SLC4A1: variants seen among roughly 807,000 people sequenced by gnomAD.
SLC4A1 encodes solute carrier family 4 member 1 (Diego blood group).
A neutral mutation model predicts 93.1 loss-of-function variants in SLC4A1; 29 were observed. That is an observed-to-expected ratio of 0.31 (90% confidence interval 0.23 to 0.42). The LOEUF (loss-of-function observed/expected upper bound fraction) is 0.42. Among genes scored for constraint, SLC4A1 ranks in the 20% least tolerant of loss-of-function variants. SLC4A1 has a pLI of 1.00. For missense variants in SLC4A1, 965 were observed against 1,190.1 expected (o/e 0.81, Z 2.78); for synonymous variants, 469 against 497.2 (o/e 0.94, Z 0.76).
Position 44,255,839 on chromosome 17 carries a change from T to C in SLC4A1, c.1634A>G (p.Gln545Arg). 6.2e-7 allele frequency: 1 copy of C among 1,614,170 alleles called. No individual in the cohort carries two copies. Among genetic ancestry groups the C allele is most frequent in the Non-Finnish European group, 8.5e-7 (1 of 1,180,026 alleles). ...ATAAGTCTTCTGTAGTGGGTGGTCC[T>C]GGAAGATCTGCAGCAGAAAACCAAG... Reference protein sequence around the residue: ...ETFSKLIKIFQDHPLQKTYNY... With the variant: ...ETFSKLIKIFRDHPLQKTYNY... Residue 545 changes from glutamine to arginine, a missense_variant, in exon 14 of 20, where the codon CAG becomes CGG. Transcript: ENST00000262418.
At chr17:44,254,887 A>G (rs775708545) in intron 15 of SLC4A1, among the ~76,000 whole-genome samples, 18 of 152,240 alleles carry the variant, frequency 1.2e-4, no homozygotes, top group Non-Finnish European at 2.5e-4. Context: ...GAGGTTATGT[A>G]GCTTGCCCCA....
In SLC4A1 at chr17:44,265,432, C is replaced by T. The variant is rs28444278; in HGVS notation, c.-68-2498G>A. Among the ~76,000 whole-genome samples the T allele has an allele frequency of 9.3e-3, 1,411 of 152,140 alleles. 23 individuals are homozygous for T. Among genetic ancestry groups the T allele is most frequent in the African/African-American group, 0.032 (1,339 of 41,504 alleles). ...TCTCCCAGTCTGGAGTGCAGTGGCG[C>T]GATCTTGGCTCACTGCAAGCTCCGC... On this transcript the variant is annotated intron_variant, in intron 1 of 19. Transcript: ENST00000262418.
intron 16 of SLC4A1, among the ~76,000 whole-genome samples, chr17:44,253,605 G>C (rs142515305): frequency 2.0e-3 from 306 of 152,150 alleles, no homozygotes; most frequent in African/African-American, 7.1e-3. Context: ...TCAGCTTCAG[G>C]GAGCTTTGCT....
chr17:44,251,723 T>TC (rs1411029337), intron 17 of SLC4A1, 135 bp from the exon 18 acceptor site: 75 of 629,232 alleles, frequency 1.2e-4, no homozygotes, highest in East Asian at 3.6e-4. Context: ...TTCTTTTCTT[T>TC]TTTTTTTTTT....
intron 17 of SLC4A1, 130 bp downstream of exon 17, chr17:44,252,988 G>T: frequency 1.0e-6 from 1 of 979,240 alleles, no homozygotes; most frequent in Non-Finnish European, 1.6e-6. Context: ...GGATGCTGGG[G>T]AGATGTGGGG....
At chr17:44,254,457 T>TC in intron 16 of SLC4A1, 39 bp downstream of exon 16, 336 of 1,282,662 alleles carry the variant, frequency 2.6e-4, no homozygotes, top group Non-Finnish European at 3.3e-4. Context: ...GGTCCCTGCC[T>TC]CCCACCCTCC....
At chr17:44,262,767 T>G (rs1298824807) in intron 2 of SLC4A1, 41 bp from the exon 3 acceptor site, 3 of 1,606,632 alleles carry the variant, frequency 1.9e-6, no homozygotes, top group Non-Finnish European at 2.6e-6. Context: ...TGAGGGGCTC[T>G]TCCACCCCCA....
At chr17:44,264,818 G>A (rs1036004783) in intron 1 of SLC4A1, among the ~76,000 whole-genome samples, 9 of 152,042 alleles carry the variant, frequency 5.9e-5, no homozygotes, top group Non-Finnish European at 1.3e-4. Context: ...GGTCCAAGGG[G>A]AGGACAGGGG....
chr17:44,257,338 A>G lies in SLC4A1; in HGVS notation c.1626+12T>C, dbSNP rs1209454873. On this transcript the variant is annotated intron_variant, in intron 13 of 19. Coordinates refer to ENST00000262418, the MANE Select transcript of SLC4A1 (RefSeq NM_000342.4). ...ACCTCCCGTGTGCATTAACATCCCCATAGGCCCCCACCTTGATCAGCTTGG... is the reference window on the plus strand; with the variant it reads ...ACCTCCCGTGTGCATTAACATCCCCGTAGGCCCCCACCTTGATCAGCTTGG... 1 of 1,613,286 alleles carries G rather than the reference A, an allele frequency of 6.2e-7. No individual in the cohort carries two copies. Among genetic ancestry groups the G allele is most frequent in the East Asian group, 2.2e-5 (1 of 44,870 alleles).
At chr17:44,257,935 G>C (rs1431432485) in intron 11 of SLC4A1, 51 bp downstream of exon 11, 1 of 1,610,846 alleles carries the variant, frequency 6.2e-7, no homozygotes, top group Admixed American at 1.7e-5. Flanking sequence ...GGCTGAGACA[G>C]AGGCCAGAGG....
chr17:44,264,186 G>A (rs902644842), intron 1 of SLC4A1, among the ~76,000 whole-genome samples: 8 of 152,156 alleles, frequency 5.3e-5, no homozygotes, highest in East Asian at 3.9e-4. Context: ...TTGGTTGGGC[G>A]TGGTGGCTCA....
Position 44,260,640 on chromosome 17 carries a change from G to C in SLC4A1, c.344C>G (p.Thr115Ser). Reference sequence around the variant, plus strand: ...GAAGGGCCCAGGAGGCTCACCCTTGGTGAAGACTCTACGCAGCTCTAGGAG... The same window carrying C: ...GAAGGGCCCAGGAGGCTCACCCTTGCTGAAGACTCTACGCAGCTCTAGGAG... ...WSLLELRRVF[T>S]KGTVLLDLQE... The change falls in exon 5 of 20, where the codon ACC becomes AGC. Residue 115 changes from threonine (T) to serine (S), a missense_variant. Transcript: ENST00000262418. 2 of 1,614,146 alleles carry C rather than the reference G, an allele frequency of 1.2e-6. No individual in the cohort carries two copies. The highest frequency in any genetic ancestry group is 1.7e-6 in the Non-Finnish European group (2 of 1,179,994).
intron 19 of SLC4A1, 142 bp downstream of exon 19, chr17:44,251,017 T>C: frequency 1.1e-6 from 1 of 900,456 alleles, no homozygotes; most frequent in Non-Finnish European, 1.8e-6. Context: ...CCAGATCATA[T>C]GCTAGGACAC....
chr17:44,263,711 T>TTCCCTCCCTTCCC (rs756189054), intron 1 of SLC4A1, among the ~76,000 whole-genome samples: 21 of 8,612 alleles, frequency 2.4e-3, no homozygotes, highest in East Asian at 0.026. Context: ...CCTTCCCTCC[T>TTCCCTCCCTTCCC]TCCTTCCTTC....
intron 8 of SLC4A1, 49 bp downstream of exon 8, chr17:44,259,448 C>T (rs762520200): frequency 2.4e-5 from 38 of 1,602,594 alleles, no homozygotes; most frequent in Non-Finnish European, 3.0e-5. Context: ...CAGGCTGAGC[C>T]AAGACACGAG....
intron 16 of SLC4A1, 33 bp downstream of exon 16, chr17:44,254,463 C>T: frequency 7.6e-7 from 1 of 1,318,264 alleles, no homozygotes; most frequent in Non-Finnish European, 1.1e-6. Context: ...TGCCTCCCAC[C>T]CTCCCAGGCC....
Position 44,262,910 on chromosome 17 carries a change from C to A in SLC4A1, c.-44G>T. On this transcript the variant is annotated 5_prime_UTR_variant, in exon 2 of 20. Coordinates refer to ENST00000262418, the MANE Select transcript of SLC4A1 (RefSeq NM_000342.4). ...CAGTTGTCTACGGTGATCTGAGCCC[C>A]CAGCATAACCCGCACCGCGGGTCCC... is the stretch of plus-strand genomic sequence containing the variant. 6.2e-7 allele frequency: 1 copy of A among 1,613,704 alleles called. No individual in the cohort carries two copies. Among genetic ancestry groups the A allele is most frequent in the Non-Finnish European group, 8.5e-7 (1 of 1,180,018 alleles).
At chr17:44,263,700 C>T (rs527642921) in intron 1 of SLC4A1, among the ~76,000 whole-genome samples, 23 of 87,490 alleles carry the variant, frequency 2.6e-4, no homozygotes, top group African/African-American at 1.1e-3. Flanking sequence ...CTCCTTCCCT[C>T]CCTTCCCTCC....
chr17:44,254,554 A>G lies in SLC4A1; in HGVS notation c.1999T>C (p.Ser667Pro). 1 of 1,606,774 alleles carries G rather than the reference A, an allele frequency of 6.2e-7. No individual in the cohort carries two copies. The highest frequency in any genetic ancestry group is 8.5e-7 in the Non-Finnish European group (1 of 1,175,878). Reference sequence around the variant, plus strand: ...AAGACCAGCAGAGCAGGCAGGGCGGAGGCAAACATCATCCAGATGGGAAAC... The same window carrying G: ...AAGACCAGCAGAGCAGGCAGGGCGGGGGCAAACATCATCCAGATGGGAAAC... ...SEFPIWMMFA[S>P]ALPALLVFIL... Residue 667 changes from serine (S) to proline (P), a missense_variant, in exon 16 of 20, where the codon TCC (serine) becomes CCC (proline). Coordinates refer to ENST00000262418, the MANE Select transcript of SLC4A1 (RefSeq NM_000342.4).
Sources: gnomAD v4.1 joint callset for allele counts (sites outside exome capture counted in the v4.1 genomes callset) on GRCh38, gnomAD v4.1.1 for gene constraint, MANE v1.5 for transcripts, NCBI Gene and HGNC (gene_info 2026-07-23, HGNC 2026-07-21) for gene names.